The following NUP210L variants were observed in gnomAD, a reference collection of about 807,000 sequenced individuals.
The protein encoded by NUP210L is nuclear pore membrane glycoprotein 210-like.
In NUP210L, 74 loss-of-function variants were observed where a neutral mutation model predicts 208.5. The observed-to-expected ratio is 0.35, with a 90% CI of 0.29 to 0.43. The LOEUF (loss-of-function observed/expected upper bound fraction) is 0.43, where lower values mean the gene tolerates loss of function less well. Ranked by LOEUF, NUP210L falls within the 20% of genes least tolerant of loss-of-function variation. NUP210L has a pLI of 1.00. For missense variants in NUP210L, 1,843 were observed against 2,289.4 expected (o/e 0.81, Z 3.98); for synonymous variants, 780 against 816.9 (o/e 0.95, Z 0.77).
intron 25 of NUP210L, among the ~76,000 whole-genome samples, chr1:154,052,184 G>A (rs180893566): frequency 9.2e-5 from 14 of 152,318 alleles, no homozygotes; most frequent in African/African-American, 2.2e-4. Context: ...AGTGAGATCC[G>A]TTAGCAAAAA....
In NUP210L at chr1:154,013,769, T is replaced by A. The variant is rs1262638141; in HGVS notation, c.4654-1399A>T. 2.0e-5 allele frequency among the ~76,000 whole-genome samples: 3 copies of A among 152,262 alleles called. No individual in the cohort carries two copies. The East Asian group carries it at 5.8e-4, about 29-fold the overall frequency. On this transcript the variant is annotated intron_variant, in intron 33 of 39. Transcript: ENST00000368559. Reference sequence around the variant, plus strand: ...TATATTGTAAGTTTTTTTGTTTGTTTGTTTGTTTGTTTTGAGACGGAGTCT... The same window carrying A: ...TATATTGTAAGTTTTTTTGTTTGTTAGTTTGTTTGTTTTGAGACGGAGTCT...
chr1:154,025,405 C>G, intron 30 of NUP210L, 137 bp downstream of exon 30: 36 of 204,046 alleles, frequency 1.8e-4, no homozygotes, highest in Non-Finnish European at 2.0e-4. Flanking sequence ...ACAGAAGTTT[C>G]TAATTCTTTT....
At chr1:153,994,953 T>C (rs1265430679) in intron 38 of NUP210L, 123 bp downstream of exon 38, 15 of 577,148 alleles carry the variant, frequency 2.6e-5, no homozygotes, top group Non-Finnish European at 3.9e-5. Flanking sequence ...CAGAGGTTGC[T>C]GTAAGCCAAG....
At chr1:154,070,211 A>C in intron 17 of NUP210L, 62 bp downstream of exon 17, 1 of 1,366,918 alleles carries the variant, frequency 7.3e-7, no homozygotes, top group Non-Finnish European at 1.0e-6. Flanking sequence ...ACAAAACAAA[A>C]CAAAACAAAC....
intron 17 of NUP210L, among the ~76,000 whole-genome samples, chr1:154,061,902 C>T (rs1198123403): frequency 6.6e-6 from 1 of 151,996 alleles, no homozygotes; most frequent in Non-Finnish European, 1.5e-5. Flanking sequence ...GATGTGATCT[C>T]GGCTTACCAC....
chr1:154,027,747 A>C, intron 28 of NUP210L, 150 bp from the exon 29 acceptor site: 1 of 562,886 alleles, frequency 1.8e-6, no homozygotes, highest in Non-Finnish European at 3.1e-6. Flanking sequence ...TTAGTCTAAA[A>C]TCGTCCACAA....
At chr1:154,024,670 G>A (rs1006449238) in intron 30 of NUP210L, among the ~76,000 whole-genome samples, 3 of 149,164 alleles carry the variant, frequency 2.0e-5, no homozygotes, top group Non-Finnish European at 4.4e-5. Flanking sequence ...CTGCAGACAT[G>A]TGCCACCAAG....
At chr1:153,995,210 A>G in intron 37 of NUP210L, 30 bp from the exon 38 acceptor site, 2 of 1,454,214 alleles carry the variant, frequency 1.4e-6, no homozygotes, top group Non-Finnish European at 1.9e-6. Flanking sequence ...AAACAAGATA[A>G]TAGTTAATAG....
chr1:154,098,666 C>T (rs1319661444), intron 14 of NUP210L, among the ~76,000 whole-genome samples: 1 of 152,116 alleles, frequency 6.6e-6, no homozygotes, highest in African/African-American at 2.4e-5. Flanking sequence ...TTATGGGCAT[C>T]AGAGGGGAGG....
intron 25 of NUP210L, 35 bp from the exon 26 acceptor site, chr1:154,046,404 G>A (rs1412355626): frequency 1.9e-6 from 3 of 1,571,772 alleles, no homozygotes; most frequent in Non-Finnish European, 1.8e-6. Flanking sequence ...CTTAGGCTAA[G>A]AGGGAGTTTC....
intron 6 of NUP210L, among the ~76,000 whole-genome samples, chr1:154,137,025 C>T (rs1457950880): frequency 6.6e-6 from 1 of 151,290 alleles, no homozygotes; most frequent in Admixed American, 6.6e-5. Context: ...TTGCAAAGAT[C>T]ATTGCAATGC....
rs993828789 is a variant in NUP210L at position 154,038,337 on chromosome 1, C to CTTTT, written c.3696+7728_3696+7731dup. Among the ~76,000 whole-genome samples the CTTTT allele has an allele frequency of 7.2e-3, 964 of 134,636 alleles. 13 individuals are homozygous for CTTTT. Among genetic ancestry groups the CTTTT allele is most frequent in the African/African-American group, 0.025 (930 of 37,004 alleles). 88.3% of individuals were successfully genotyped at this position (134,636 alleles called of 152,430 possible). A position where few individuals can be genotyped will look rare whatever the true frequency, so the allele number is the denominator to read the frequency against. ...TGTAGAGACAGGGTTTTTTCTTTTT[C>CTTTT]TTTTTTTTTTTTTTTTATTTTTGAG... On this transcript the variant is annotated intron_variant, in intron 27 of 39. Coordinates refer to ENST00000368559, the Ensembl canonical transcript of NUP210L.
At chr1:154,012,148 A>G (rs1167948034) in intron 34 of NUP210L, 96 bp downstream of exon 34, 1 of 1,290,674 alleles carries the variant, frequency 7.7e-7, no homozygotes, top group South Asian at 1.4e-5. Flanking sequence ...TTTGAAATAA[A>G]AAGAAAATCT....
intron 14 of NUP210L, among the ~76,000 whole-genome samples, chr1:154,098,704 GC>G (rs1656303951): frequency 6.6e-6 from 1 of 152,184 alleles, no homozygotes; most frequent in Admixed American, 6.5e-5. Flanking sequence ...TCCATGGGCA[GC>G]CATGGGTGGG....
At chr1:154,031,899 ATT>A (rs1197326976) in intron 27 of NUP210L, among the ~76,000 whole-genome samples, 115 of 119,064 alleles carry the variant, frequency 9.7e-4, no homozygotes, top group Admixed American at 2.4e-3. Context: ...ATTAAAAAAA[ATT>A]TTTTTTTTTG....
chr1:154,062,567 C>CTTTTTTTTTTTTTTTTTTTTTTTTT (rs34499821), intron 17 of NUP210L, among the ~76,000 whole-genome samples: 5 of 74,974 alleles, frequency 6.7e-5, no homozygotes, highest in African/African-American at 1.1e-4. Flanking sequence ...TTTCTTTTTC[C>CTTTTTTTTTTTTTTTTTTTTTTTTT]TTTTTTTTTT....
chr1:154,041,085 G>A (rs1292860639), intron 27 of NUP210L, among the ~76,000 whole-genome samples: 1 of 151,540 alleles, frequency 6.6e-6, no homozygotes, highest in Non-Finnish European at 1.5e-5. Flanking sequence ...CTGCCTCAGT[G>A]TCCCAAGTAG....
At chr1:154,011,889 G>T (rs1650948354) in intron 34 of NUP210L, among the ~76,000 whole-genome samples, 1 of 151,548 alleles carries the variant, frequency 6.6e-6, no homozygotes, top group Non-Finnish European at 1.5e-5. Context: ...GTTTCACCAT[G>T]TTGGTCAGGC....
intron 16 of NUP210L, 21 bp downstream of exon 16, chr1:154,089,400 G>A (rs750530310): frequency 6.3e-7 from 1 of 1,599,614 alleles, no homozygotes; most frequent in Non-Finnish European, 8.6e-7. Context: ...CAACTTAGTT[G>A]GAAACATACT....
Sources: allele counts gnomAD v4.1 joint callset (sites outside exome capture counted in the v4.1 genomes callset), GRCh38; gene constraint gnomAD v4.1.1; transcripts MANE v1.5; gene names NCBI Gene and HGNC (gene_info 2026-07-23, HGNC 2026-07-21).